GLRA1: variants seen among roughly 807,000 people sequenced by gnomAD.
GLRA1 encodes the protein glycine receptor subunit alpha-1.
GLRA1 carries 37 observed loss-of-function variants against 48.3 expected under a neutral mutation model. The observed-to-expected ratio is 0.77, with a 90% CI of 0.59 to 1.01. GLRA1 has a LOEUF of 1.01. Ranked by LOEUF, GLRA1 falls within the 50% of genes least tolerant of loss-of-function variation. The pLI is 0.00. For synonymous variants in GLRA1, 196 were observed against 210.7 expected (o/e 0.93, Z 0.60); for missense variants, 427 against 571.0 (o/e 0.75, Z 2.57).
At chr5:151,896,854 GACA>G (rs1163740450) in intron 1 of GLRA1, among the ~76,000 whole-genome samples, 3 of 152,246 alleles carry the variant, frequency 2.0e-5, no homozygotes, top group Non-Finnish European at 4.4e-5. Flanking sequence ...CAAATACAAT[GACA>G]ACAAGACAAA....
Position 151,876,293 on chromosome 5 carries a change from T to G in GLRA1, c.252+10428A>C, listed in dbSNP as rs1258423737. On this transcript the variant is annotated intron_variant, in intron 3 of 8. Transcript: ENST00000274576. Reference sequence around the variant, plus strand: ...CACACAACAGTTTTTTTGAAACCCTTTCATCCTTTGGTTCATCCCTTGAAA... The same window carrying G: ...CACACAACAGTTTTTTTGAAACCCTGTCATCCTTTGGTTCATCCCTTGAAA... 3.3e-5 allele frequency among the ~76,000 whole-genome samples: 5 copies of G among 152,164 alleles called. No homozygotes were observed. In the South Asian group the frequency reaches 8.3e-4, roughly 25 times the overall value.
At chr5:151,896,536 A>C (rs894606961) in intron 1 of GLRA1, among the ~76,000 whole-genome samples, 2 of 152,216 alleles carry the variant, frequency 1.3e-5, no homozygotes, top group Non-Finnish European at 2.9e-5. Context: ...CTCTGAATTT[A>C]CCACACTTAA....
At chr5:151,893,595 T>G (rs1754155616) in intron 1 of GLRA1, among the ~76,000 whole-genome samples, 2 of 152,016 alleles carry the variant, frequency 1.3e-5, no homozygotes, top group African/African-American at 4.8e-5. Context: ...CACTTATGAG[T>G]GAGAACATGC....
intron 1 of GLRA1, among the ~76,000 whole-genome samples, chr5:151,893,360 C>CTTTCTTTCTTTTT (rs1754147012): frequency 1.0e-5 from 1 of 97,040 alleles, no homozygotes; most frequent in Admixed American, 1.1e-4. Context: ...TTCTTTCTTT[C>CTTTCTTTCTTTTT]ATTTTAGTTC....
Position 151,909,941 on chromosome 5 carries a change from G to A in GLRA1, c.56+14553C>T, listed in dbSNP as rs116254353. On this transcript the variant is annotated intron_variant, in intron 1 of 8. Coordinates refer to ENST00000274576, the MANE Select transcript of GLRA1 (RefSeq NM_000171.4). Reference sequence around the variant, plus strand: ...TAGGAGTATTTTATGAAATTGCACAGTGAATTGGGTAGGGCTCCAGTCACC... The same window carrying A: ...TAGGAGTATTTTATGAAATTGCACAATGAATTGGGTAGGGCTCCAGTCACC... Among the ~76,000 whole-genome samples the A allele has an allele frequency of 8.0e-3, 1,218 of 151,990 alleles. 20 individuals are homozygous for A. The highest frequency in any genetic ancestry group is 0.028 in the African/African-American group (1,147 of 41,424).
intron 7 of GLRA1, chr5:151,850,154 A>C (rs1752862999): frequency 1.2e-6 from 2 of 1,603,640 alleles, no homozygotes; most frequent in South Asian, 2.2e-5. Context: ...CCCAGGGTCC[A>C]TATTACTGCA....
intron 7 of GLRA1, among the ~76,000 whole-genome samples, chr5:151,835,027 C>CAAAAAAAAAAAAA (rs60718344): frequency 5.7e-5 from 3 of 52,526 alleles, no homozygotes; most frequent in Non-Finnish European, 1.0e-4. Flanking sequence ...GACAACATCT[C>CAAAAAAAAAAAAA]AAAAAAAAAA....
chr5:151,915,758 G>T (rs1754723290), intron 1 of GLRA1, among the ~76,000 whole-genome samples: 1 of 150,316 alleles, frequency 6.7e-6, no homozygotes, highest in Non-Finnish European at 1.5e-5. Context: ...TATCAAAAAG[G>T]ATAACAGTTG....
chr5:151,901,537 C>T (rs1178958140), intron 1 of GLRA1, among the ~76,000 whole-genome samples: 1 of 152,200 alleles, frequency 6.6e-6, no homozygotes, highest in Non-Finnish European at 1.5e-5. Flanking sequence ...AAATGGCTCT[C>T]ATTACCTTCA....
chr5:151,882,913 A>G (rs925781399), intron 3 of GLRA1, among the ~76,000 whole-genome samples: 1 of 152,186 alleles, frequency 6.6e-6, no homozygotes, highest in Non-Finnish European at 1.5e-5. Flanking sequence ...CAGTTTATCA[A>G]ATAATGTTGT....
intron 7 of GLRA1, chr5:151,850,940 C>G (rs1444940625): frequency 4.0e-6 from 2 of 501,440 alleles, no homozygotes; most frequent in Admixed American, 3.2e-5. Flanking sequence ...ATAAATAAAT[C>G]TTAGCTGCAA....
chr5:151,886,098 T>A (rs1488687375), intron 3 of GLRA1, among the ~76,000 whole-genome samples: 1 of 152,208 alleles, frequency 6.6e-6, no homozygotes, highest in African/African-American at 2.4e-5. Flanking sequence ...AGAAAAGTTT[T>A]AAAATATCAT....
intron 3 of GLRA1, among the ~76,000 whole-genome samples, chr5:151,876,211 A>G (rs1181254166): frequency 6.6e-6 from 1 of 152,164 alleles, no homozygotes; most frequent in African/African-American, 2.4e-5. Flanking sequence ...TGCTGAAACT[A>G]CTGGATGACA....
Position 151,849,099 on chromosome 5 carries a change from TTTTCTTTTCTTTC to T in GLRA1, c.912+2278_912+2290del, listed in dbSNP as rs200541900. The T allele has an allele frequency of 4.6e-3, 1,097 of 236,358 alleles. 85 individuals carry two copies. The highest frequency in any genetic ancestry group is 0.022 in the Admixed American group (350 of 16,198). The allele number at this position is 236,358 out of a possible 1,614,324, so 14.6% of individuals were successfully genotyped here. ...CTTTCTTTTCTTTCCTTTTTATTTC[TTTTCTTTTCTTTC>T]TTTCTTTCTTTCTTTCTTTCTTTCT... On this transcript the variant is annotated intron_variant, in intron 7 of 8. Coordinates refer to ENST00000274576, the MANE Select transcript of GLRA1 (RefSeq NM_000171.4).
intron 8 of GLRA1, among the ~76,000 whole-genome samples, chr5:151,824,611 C>G (rs1447079127): frequency 6.6e-6 from 1 of 152,164 alleles, no homozygotes; most frequent in Non-Finnish European, 1.5e-5. Context: ...AGAACACACT[C>G]TGAACCCCAT....
At position 151,919,628 on chromosome 5, in the gene GLRA1, G is replaced by A. The variant is rs146553724; in HGVS notation, c.56+4866C>T. Among the ~76,000 whole-genome samples, 71 of 152,358 alleles carry A rather than the reference G, an allele frequency of 4.7e-4. 1 individual carries two copies. The East Asian group carries it at 0.011, about 23-fold the overall frequency. On this transcript the variant is annotated intron_variant, in intron 1 of 8. Coordinates refer to ENST00000274576, the MANE Select transcript of GLRA1 (RefSeq NM_000171.4). Reference sequence around the variant, plus strand: ...CCAAAGCTGTGCTATCATTGGAAGAGATCTGGAGAAGATATCCTAAACTGG... The same window carrying A: ...CCAAAGCTGTGCTATCATTGGAAGAAATCTGGAGAAGATATCCTAAACTGG...
At chr5:151,855,282 A>T in intron 5 of GLRA1, 105 bp from the exon 6 acceptor site, 1 of 1,145,056 alleles carries the variant, frequency 8.7e-7, no homozygotes, top group South Asian at 1.2e-5. Context: ...CAGACACTTG[A>T]TGGAACTTGT....
At chr5:151,896,968 C>T (rs941242444) in intron 1 of GLRA1, among the ~76,000 whole-genome samples, 6 of 152,070 alleles carry the variant, frequency 3.9e-5, no homozygotes, top group South Asian at 2.1e-4. Flanking sequence ...GTTGGACAGG[C>T]GTTAGAGGCA....
Position 151,882,620 on chromosome 5 carries a change from AC to A in GLRA1, c.252+4100del, listed in dbSNP as rs137895453. 8.6e-3 allele frequency among the ~76,000 whole-genome samples: 1,308 copies of A among 152,246 alleles called. 16 individuals carry two copies. The highest frequency in any genetic ancestry group is 0.03 in the African/African-American group (1,255 of 41,530). On this transcript the variant is annotated intron_variant, in intron 3 of 8. Transcript: ENST00000274576. ...AGAGCATCAGACCTGTGTTTCTACC[AC>A]ACCTATTTCTTGCTGTGTGACCTTG...
Sources: gnomAD v4.1 joint callset for allele counts (sites outside exome capture counted in the v4.1 genomes callset) on GRCh38, gnomAD v4.1.1 for gene constraint, MANE v1.5 for transcripts, NCBI Gene and HGNC (gene_info 2026-07-23, HGNC 2026-07-21) for gene names.